Variants in PCNX4 observed in about 807,000 individuals in gnomAD.
PCNX4 encodes the protein pecanex 4.
Under a neutral mutation model 107.2 loss-of-function variants are expected in PCNX4, and 103 were observed. The ratio of observed to expected loss-of-function variants is 0.96; its 90% CI spans 0.82 to 1.13. The LOEUF is 1.13. Ranked by LOEUF, PCNX4 falls within the 50% of genes most tolerant of loss-of-function variation. PCNX4 has a pLI of 0.00. For synonymous variants in PCNX4, 541 were observed against 481.7 expected, an observed-to-expected ratio of 1.12 and a Z score of -1.61; for missense variants, 1,528 against 1,379.4, an observed-to-expected ratio of 1.11 and a Z score of -1.71.
intron 1 of PCNX4, among the ~76,000 whole-genome samples, chr14:60,099,089 T>C (rs1895482882): frequency 6.6e-6 from 1 of 152,198 alleles, no homozygotes; most frequent in African/African-American, 2.4e-5. Context: ...CCTCAACAGA[T>C]AGCACTTGGC....
rs112866073 is a variant in PCNX4, at chr14:60,121,001, A to G, written c.1943-195A>G. Among the ~76,000 whole-genome samples the G allele has an allele frequency of 5.3e-5, 8 of 152,172 alleles. 1 individual carries two copies. The East Asian group carries it at 5.8e-4, about 11-fold the overall frequency. ...TATCACCTGTAGATTATCTGTTCCAACTGCTCTTGTAAAGAGTTAATTTAA... is the reference window on the plus strand; with the variant it reads ...TATCACCTGTAGATTATCTGTTCCAGCTGCTCTTGTAAAGAGTTAATTTAA... On this transcript the variant is annotated intron_variant, in intron 7 of 10. Transcript: ENST00000406854.
intron 1 of PCNX4, among the ~76,000 whole-genome samples, chr14:60,103,328 C>T (rs1895567842): frequency 6.6e-6 from 1 of 152,098 alleles, no homozygotes; most frequent in Non-Finnish European, 1.5e-5. Flanking sequence ...ACTCAAATGA[C>T]ACATTTTAAG....
intron 10 of PCNX4, among the ~76,000 whole-genome samples, chr14:60,126,373 C>G (rs1896055820): frequency 6.6e-6 from 1 of 152,192 alleles, no homozygotes; most frequent in African/African-American, 2.4e-5. Flanking sequence ...ATGGTTTTGT[C>G]TGTCTGGCAT....
chr14:60,112,971 C>G (rs1466801938), intron 2 of PCNX4, among the ~76,000 whole-genome samples: 1 of 152,184 alleles, frequency 6.6e-6, no homozygotes, highest in Non-Finnish European at 1.5e-5. Flanking sequence ...ATAACGAGGT[C>G]AAGACATCGA....
chr14:60,118,497 T>C lies in PCNX4; in HGVS notation c.1747T>C (p.Ser583Pro), dbSNP rs2140553800. The change falls in exon 7 of 11, where the codon TCT (serine) becomes CCT (proline). Residue 583 changes from serine to proline, a missense_variant. By Grantham distance (74) the Ser-to-Pro change is moderately conservative. Transcript: ENST00000406854. ...SPFVLVIIVF[S>P]TLLSSPLLPL... ...ATTCGTGTTGGTCATCATAGTTTTT[T>C]CTACACTACTCTCTTCTCCCTTACT... The C allele has an allele frequency of 6.2e-7, 1 of 1,613,762 alleles. No individual in the cohort carries two copies. The highest frequency in any genetic ancestry group is 1.3e-5 in the African/African-American group (1 of 75,044).
intron 10 of PCNX4, among the ~76,000 whole-genome samples, chr14:60,131,676 T>G (rs916064021): frequency 5.9e-5 from 9 of 152,252 alleles, no homozygotes; most frequent in African/African-American, 1.7e-4. Context: ...CCAGTTGGCT[T>G]CTTTGTGGAA....
intron 1 of PCNX4, among the ~76,000 whole-genome samples, chr14:60,092,930 C>T (rs1213088174): frequency 1.3e-5 from 2 of 152,198 alleles, no homozygotes; most frequent in East Asian, 3.8e-4. Flanking sequence ...CTGTATCCAT[C>T]ATTTTTCACT....
In PCNX4 at chr14:60,124,606, G is replaced by A. The variant is rs777752031; in HGVS notation, c.2435G>A (p.Ser812Asn). The A allele has an allele frequency of 1.2e-6, 2 of 1,613,762 alleles. No individual in the cohort carries two copies. The highest frequency in any genetic ancestry group is 1.7e-6 in the Non-Finnish European group (2 of 1,179,772). The part of the protein sequence containing the change: ...PPPKSPEDID[S>N]LNSETFNDWS... ...CCCAAATCCCCAGAAGACATAGACA[G>A]TTTAAATTCAGAAACTTTTAATGAC... Residue 812 changes from serine to asparagine, a missense_variant, in exon 9 of 11, where the codon AGT becomes AAT. Transcript: ENST00000406854.
At chr14:60,117,469 T>C (rs1446984053) in intron 6 of PCNX4, among the ~76,000 whole-genome samples, 2 of 152,214 alleles carry the variant, frequency 1.3e-5, no homozygotes, top group African/African-American at 4.8e-5. Context: ...CCTAGGTTTG[T>C]GTATGTACGC....
intron 7 of PCNX4, 60 bp from the exon 8 acceptor site, chr14:60,121,136 A>G: frequency 6.5e-7 from 1 of 1,535,360 alleles, no homozygotes; most frequent in South Asian, 1.3e-5. Flanking sequence ...ACATGGCAAA[A>G]TAAAAGAAGT....
In PCNX4 at chr14:60,139,945, C is replaced by T. The variant is rs957408082; in HGVS notation, c.*5724C>T. 2.7e-4 allele frequency: 38 copies of T among 138,240 alleles called. No individual in the cohort carries two copies. Among genetic ancestry groups the T allele is most frequent in the East Asian group, 1.3e-3 (6 of 4,712 alleles). The allele number at this position is 138,240 out of a possible 1,614,324, so 8.6% of individuals were successfully genotyped here. A position where few individuals can be genotyped will look rare whatever the true frequency, so the allele number is the denominator to read the frequency against. ...TTAGAAGGAAATTTATAGTCTTAAA[C>T]GCACATTAAAAAAAAAAGATTGAAA... On this transcript the variant is annotated 3_prime_UTR_variant, in exon 11 of 11. Transcript: ENST00000406854.
chr14:60,118,667 G>C lies in PCNX4; in HGVS notation c.1917G>C (p.Gln639His), dbSNP rs1326621601. 6.3e-7 allele frequency: 1 copy of C among 1,587,184 alleles called. No individual in the cohort carries two copies. The highest frequency in any genetic ancestry group is 8.6e-7 in the Non-Finnish European group (1 of 1,162,448). Reference protein sequence around the residue: ...QMVPRLTAVLQTAMAAGSLGL... With the variant: ...QMVPRLTAVLHTAMAAGSLGL... ...TGCCCAGGTTGACTGCTGTACTGCA[G>C]ACTGCAATGGCAGCTGGAAGTTTAG... The change falls in exon 7 of 11, where the codon CAG (glutamine) becomes CAC (histidine). Residue 639 changes from glutamine (Q) to histidine (H), a missense_variant. By Grantham distance (24) the Gln-to-His change is conservative. Coordinates refer to ENST00000406854, the MANE Select transcript of PCNX4 (RefSeq NM_001330177.2).
chr14:60,099,258 G>A (rs1203907415), intron 1 of PCNX4, among the ~76,000 whole-genome samples: 6 of 152,064 alleles, frequency 3.9e-5, no homozygotes, highest in East Asian at 1.9e-4. Context: ...AAAATTTTCC[G>A]TTTTCCAAAT....
intron 8 of PCNX4, among the ~76,000 whole-genome samples, chr14:60,123,289 A>G (rs1015153388): frequency 6.6e-6 from 1 of 152,116 alleles, no homozygotes; most frequent in East Asian, 1.9e-4. Flanking sequence ...GGGTTAGGCC[A>G]TGCCATCTAT....
intron 1 of PCNX4, among the ~76,000 whole-genome samples, chr14:60,106,037 C>T (rs1167474826): frequency 1.3e-5 from 2 of 152,188 alleles, no homozygotes; most frequent in African/African-American, 2.4e-5. Flanking sequence ...AGTGGAATAT[C>T]GTACACTGAG....
chr14:60,110,456 G>A (rs1895720336), intron 2 of PCNX4: 1 of 167,116 alleles, frequency 6.0e-6, no homozygotes, highest in Admixed American at 6.5e-5. Flanking sequence ...GTGGCCTGGT[G>A]GGCAGAGTAT....
chr14:60,113,106 G>A (rs932434198), intron 2 of PCNX4, among the ~76,000 whole-genome samples: 76 of 152,234 alleles, frequency 5.0e-4, no homozygotes, highest in African/African-American at 1.8e-3. Context: ...GCTTGAACCC[G>A]GGAGGCAGAC....
At chr14:60,098,954 A>G (rs367610110) in intron 1 of PCNX4, among the ~76,000 whole-genome samples, 10 of 152,066 alleles carry the variant, frequency 6.6e-5, no homozygotes, top group African/African-American at 2.2e-4. Context: ...GAAAAAAAAA[A>G]AAAGAAAGAA....
At chr14:60,131,018 C>T (rs1185258962) in intron 10 of PCNX4, among the ~76,000 whole-genome samples, 3 of 144,392 alleles carry the variant, frequency 2.1e-5, no homozygotes, top group Non-Finnish European at 3.0e-5. Context: ...GGAAGAGACA[C>T]CCACAGCTTC....
Sources: allele counts gnomAD v4.1 joint callset (sites outside exome capture counted in the v4.1 genomes callset), GRCh38; gene constraint gnomAD v4.1.1; transcripts MANE v1.5; gene names NCBI Gene and HGNC (gene_info 2026-07-23, HGNC 2026-07-21).